LYPLAL1: variants seen among roughly 807,000 people sequenced by gnomAD.
LYPLAL1 encodes lysophospholipase like 1, also known as lysophospholipase-like protein 1.
Under a neutral mutation model 19.7 loss-of-function variants are expected in LYPLAL1, and 23 were observed. The observed-to-expected ratio is 1.17, with a 90% confidence interval of 0.84 to 1.65. The LOEUF is 1.65. Among genes scored for constraint, LYPLAL1 ranks in the 40% most tolerant of loss-of-function variants. The probability of loss-of-function intolerance (pLI) is 0.00; values close to 1 mark genes in which losing one functional copy is unlikely to be tolerated. For missense variants in LYPLAL1, 355 were observed against 279.4 expected (o/e 1.27, Z -1.93); for synonymous variants, 119 against 96.3 (o/e 1.24, Z -1.38).
chr1:219,260,579 CAG>C, the LYPLAL1 span, among the ~76,000 whole-genome samples: 1 of 149,786 alleles, frequency 6.7e-6, no homozygotes, highest in Non-Finnish European at 1.5e-5. Flanking sequence ...AATATTGATA[CAG>C]AGGGGTCGAA....
the LYPLAL1 span, among the ~76,000 whole-genome samples, chr1:219,418,323 T>C: frequency 6.6e-6 from 1 of 151,996 alleles, no homozygotes; most frequent in Non-Finnish European, 1.5e-5. Flanking sequence ...AGATAAAGGG[T>C]AGCAATTCCC....
At chr1:219,388,288 C>G in the LYPLAL1 span, among the ~76,000 whole-genome samples, 2 of 152,072 alleles carry the variant, frequency 1.3e-5, no homozygotes, top group African/African-American at 4.8e-5. Context: ...AAAATACAGA[C>G]TTTCTCAGAG....
chr1:219,329,685 C>A, the LYPLAL1 span, among the ~76,000 whole-genome samples: 1 of 152,078 alleles, frequency 6.6e-6, no homozygotes. Context: ...CCATTTTTCT[C>A]CAACCAACTC....
intron 3 of LYPLAL1, among the ~76,000 whole-genome samples, chr1:219,196,601 C>G (rs2125075335): frequency 6.6e-6 from 1 of 152,274 alleles, no homozygotes; most frequent in Middle Eastern, 3.4e-3. Context: ...CAAAGATGCT[C>G]TCTCTCACCA....
At chr1:219,359,251 C>T in the LYPLAL1 span, among the ~76,000 whole-genome samples, 38 of 152,260 alleles carry the variant, frequency 2.5e-4, 1 homozygote, top group Middle Eastern at 3.4e-3. Flanking sequence ...AAGCATTGTG[C>T]TTACCTCAGC....
the LYPLAL1 span, among the ~76,000 whole-genome samples, chr1:219,358,534 G>A: frequency 3.3e-5 from 5 of 152,110 alleles, no homozygotes; most frequent in African/African-American, 1.2e-4. Flanking sequence ...GGCTGGGGAG[G>A]CCTCAGGAAA....
the LYPLAL1 span, among the ~76,000 whole-genome samples, chr1:219,267,797 T>C: frequency 6.6e-6 from 1 of 152,190 alleles, no homozygotes; most frequent in East Asian, 1.9e-4. Flanking sequence ...GACTCCAAAA[T>C]CATGTTCTTT....
chr1:219,210,518 G>A lies in LYPLAL1; in HGVS notation c.362-14G>A. 1.4e-6 allele frequency: 2 copies of A among 1,456,006 alleles called. No homozygotes were observed. Among genetic ancestry groups the A allele is most frequent in the Non-Finnish European group, 1.9e-6 (2 of 1,071,314 alleles). The allele number at this position is 1,456,006 out of a possible 1,614,324, so 90.2% of individuals were successfully genotyped here. On this transcript the variant is annotated splice_polypyrimidine_tract_variant and intron_variant, in intron 3 of 4. Transcript: ENST00000366928. The stretch of plus-strand genomic sequence containing the variant: ...TTTTATGTATTCTACTTTTAAGTAT[G>A]TTTTTGTTTTTAGGAGGATTCTCTA...
chr1:219,322,894 T>C, the LYPLAL1 span, among the ~76,000 whole-genome samples: 10 of 152,232 alleles, frequency 6.6e-5, no homozygotes, highest in African/African-American at 2.2e-4. Flanking sequence ...GGCTGGATTC[T>C]AAATGCCAGT....
In LYPLAL1 at chr1:219,211,796, TATAATG is replaced by T; in HGVS notation, c.*74_*79del. ...TGAAAAGTGATTTTTACTGCCAAAT[TATAATG>T]ATAATTAAAATATTAAGAAATAACA... On this transcript the variant is annotated 3_prime_UTR_variant, in exon 5 of 5. Coordinates refer to ENST00000366928, the MANE Select transcript of LYPLAL1 (RefSeq NM_138794.5). 1 of 968,904 alleles carries T rather than the reference TATAATG, an allele frequency of 1.0e-6. No homozygotes were observed. Among genetic ancestry groups the T allele is most frequent in the Non-Finnish European group, 1.5e-6 (1 of 655,766 alleles). 60.0% of individuals were successfully genotyped at this position (968,904 alleles called of 1,614,324 possible).
the LYPLAL1 span, among the ~76,000 whole-genome samples, chr1:219,400,805 A>G: frequency 6.6e-6 from 1 of 152,184 alleles, no homozygotes; most frequent in Non-Finnish European, 1.5e-5. Context: ...CGGCCTGTCT[A>G]TCATCTATCT....
At chr1:219,445,407 T>G in the LYPLAL1 span, among the ~76,000 whole-genome samples, 1 of 73,448 alleles carries the variant, frequency 1.4e-5, no homozygotes, top group Non-Finnish European at 2.4e-5. Flanking sequence ...TTTATTCAAA[T>G]TGGGGGGGGG....
chr1:219,442,384 T>G, the LYPLAL1 span, among the ~76,000 whole-genome samples: 1 of 152,180 alleles, frequency 6.6e-6, no homozygotes, highest in African/African-American at 2.4e-5. Flanking sequence ...ACACCTGGCT[T>G]TGCAGGAAAA....
chr1:219,213,863 TC>T (rs1245698473), downstream of LYPLAL1, among the ~76,000 whole-genome samples: 14 of 152,230 alleles, frequency 9.2e-5, no homozygotes, highest in African/African-American at 2.9e-4. Context: ...TTTCTTCCTT[TC>T]CAAATATATG....
the LYPLAL1 span, among the ~76,000 whole-genome samples, chr1:219,415,497 C>T: frequency 4.6e-5 from 7 of 152,150 alleles, no homozygotes; most frequent in South Asian, 4.1e-4. Context: ...CTGCAGTGAC[C>T]GGAGGTTTAC....
the LYPLAL1 span, among the ~76,000 whole-genome samples, chr1:219,439,316 G>A: frequency 6.6e-6 from 1 of 152,078 alleles, no homozygotes; most frequent in Non-Finnish European, 1.5e-5. Context: ...TCCCCCACTA[G>A]ATTACAAGTT....
chr1:219,221,117 T>G, the LYPLAL1 span, among the ~76,000 whole-genome samples: 1 of 152,158 alleles, frequency 6.6e-6, no homozygotes, highest in Non-Finnish European at 1.5e-5. Context: ...AAGAGTATTA[T>G]TTGCCAGAGC....
At chr1:219,437,669 T>C in the LYPLAL1 span, among the ~76,000 whole-genome samples, 1 of 152,134 alleles carries the variant, frequency 6.6e-6, no homozygotes, top group South Asian at 2.1e-4. Context: ...TTTATTCTAT[T>C]GTTTTTAGGG....
chr1:219,292,316 C>T, the LYPLAL1 span, among the ~76,000 whole-genome samples: 1 of 152,216 alleles, frequency 6.6e-6, no homozygotes, highest in East Asian at 1.9e-4. Flanking sequence ...GGCACTTTCA[C>T]ACCAACCACT....
Sources: gnomAD v4.1 joint callset for allele counts (sites outside exome capture counted in the v4.1 genomes callset) on GRCh38, gnomAD v4.1.1 for gene constraint, MANE v1.5 for transcripts, NCBI Gene and HGNC (gene_info 2026-07-23, HGNC 2026-07-21) for gene names.